Variants in KRTCAP3 observed in about 807,000 individuals in gnomAD.
KRTCAP3 encodes keratinocyte associated protein 3.
KRTCAP3 carries 18 observed loss-of-function variants against 20.5 expected under a neutral mutation model. That is an observed-to-expected ratio of 0.88 (90% CI 0.61 to 1.31). KRTCAP3 has a LOEUF of 1.31. Among genes scored for constraint, KRTCAP3 ranks in the 50% most tolerant of loss-of-function variants. The pLI is 0.00. For synonymous variants in KRTCAP3, 167 were observed against 133.7 expected, an observed-to-expected ratio of 1.25 and a Z score of -1.72; for missense variants, 347 against 310.4, an observed-to-expected ratio of 1.12 and a Z score of -0.89.
At position 27,443,393 on chromosome 2, in the gene KRTCAP3, T is replaced by C; in HGVS notation, c.481-5T>C. 1.2e-6 allele frequency: 2 copies of C among 1,614,202 alleles called. No individual in the cohort carries two copies. Among genetic ancestry groups the C allele is most frequent in the Non-Finnish European group, 1.7e-6 (2 of 1,180,026 alleles). ...CTCCTACTCCCCATCCTTCTTGCTT[T>C]TCAGGATACAGCCTTGGCTCTCTGG... is the stretch of plus-strand genomic sequence containing the variant. On this transcript the variant is annotated splice_region_variant and splice_polypyrimidine_tract_variant and intron_variant, in intron 4 of 6. Transcript: ENST00000288873.
chr2:27,444,066 T>G lies in KRTCAP3; in HGVS notation c.*5+5T>G. 1.3e-6 allele frequency: 2 copies of G among 1,557,514 alleles called. No individual in the cohort carries two copies. The highest frequency in any genetic ancestry group is 8.9e-7 in the Non-Finnish European group (1 of 1,128,698). On this transcript the variant is annotated splice_donor_5th_base_variant and intron_variant, in intron 6 of 6. Transcript: ENST00000288873. ...GAGAAGTTGGGTTTAGGACAGGTAA[T>G]GGGCCTTGAAGGTGGTGGCCCGGGT...
At chr2:27,446,166 C>T (rs1665075981), downstream of KRTCAP3, 1 of 1,374,700 alleles carries the variant, frequency 7.3e-7, no homozygotes, top group Non-Finnish European at 1.0e-6. Flanking sequence ...ATCAGCCCTA[C>T]ACTCAGCTTT....
rs771295927 is a variant in KRTCAP3 at position 27,443,139 on chromosome 2, CCTT to C, written c.343_345del (p.Leu115del). On this transcript the variant is annotated inframe_deletion, in exon 4 of 7. Coordinates refer to ENST00000288873, the MANE Select transcript of KRTCAP3 (RefSeq NM_173853.4). ...TGTCCGTTGCCTGCTCCCTGGGCCT[CCTT>C]CTTGCTGTGTCACTCACTGTGGCCA... The C allele has an allele frequency of 1.4e-4, 229 of 1,613,994 alleles. No individual in the cohort carries two copies. Among genetic ancestry groups the C allele is most frequent in the Middle Eastern group, 8.2e-4 (5 of 6,084 alleles).
At chr2:27,445,720 CG>C (rs750660947), downstream of KRTCAP3, 8 of 1,613,376 alleles carry the variant, frequency 5.0e-6, no homozygotes, top group South Asian at 8.8e-5. This position sits in a 1 kb window ranked among gnomAD's most constrained non-coding sequence, Gnocchi z 4.4. Context: ...TGAGGCCTTC[CG>C]GTTTTCCAAC....
rs562761804 is a variant in KRTCAP3 at position 27,442,710 on chromosome 2, G to A, written c.160G>A (p.Val54Ile). The change falls in exon 2 of 7, where the codon GTC becomes ATC. Residue 54 changes from valine to isoleucine, a missense_variant. By Grantham distance (29) the Val-to-Ile change is conservative. Coordinates refer to ENST00000288873, the MANE Select transcript of KRTCAP3 (RefSeq NM_173853.4). ...LRHVANPRGA[V>I]TPEYTVANVI... ...GCACGTGGCCAATCCCCGCGGCGCT[G>A]TCACGCCGGAGTACACCGTAGCCAA... The A allele has an allele frequency of 3.1e-6, 5 of 1,595,722 alleles. No homozygotes were observed. The highest frequency in any genetic ancestry group is 1.1e-5 in the South Asian group (1 of 89,484).
At chr2:27,445,439 C>G, downstream of KRTCAP3, 1 of 1,610,582 alleles carries the variant, frequency 6.2e-7, no homozygotes. The surrounding 1 kb of genome is among the most constrained non-coding windows in gnomAD (Gnocchi z 4.4). Context: ...AACCTCTTCT[C>G]TCTCAGCCTC....
chr2:27,442,557 T>G (rs1156531178), intron 1 of KRTCAP3, 22 bp from the exon 2 acceptor site: 1 of 1,527,908 alleles, frequency 6.5e-7, no homozygotes, highest in Non-Finnish European at 8.8e-7. Context: ...GACTCAACCC[T>G]GCCCTCCCCC....
chr2:27,445,881 C>G, downstream of KRTCAP3: 1 of 1,614,156 alleles, frequency 6.2e-7, no homozygotes, highest in Non-Finnish European at 8.5e-7. This position sits in a 1 kb window ranked among gnomAD's most constrained non-coding sequence, Gnocchi z 4.4. Context: ...AGGCACAGCT[C>G]GCGACTGGCA....
downstream of KRTCAP3, among the ~76,000 whole-genome samples, chr2:27,444,730 C>T (rs1664880372): frequency 6.6e-6 from 1 of 152,202 alleles, no homozygotes; most frequent in African/African-American, 2.4e-5. Context: ...TCACTGCAAC[C>T]TCTGCCTCTC....
At chr2:27,443,918 C>T (rs368006774) in intron 5 of KRTCAP3, 31 bp from the exon 6 acceptor site, 76 of 1,187,288 alleles carry the variant, frequency 6.4e-5, no homozygotes, top group African/African-American at 4.2e-4. Flanking sequence ...TCATTCAGGG[C>T]GAGGGTGTCT....
Position 27,444,048 on chromosome 2 carries a change from T to G in KRTCAP3, c.715T>G (p.Trp239Gly). ...AGAAATCCGGGCATCACAGAGAAGT[T>G]GGGTTTAGGACAGGTAATGGGCCTT... is the stretch of plus-strand genomic sequence containing the variant. ...NQEIRASQRS[W>G]V Residue 239 changes from tryptophan to glycine, a missense_variant, in exon 6 of 7, where the codon TGG becomes GGG. By Grantham distance (184) the Trp-to-Gly change is radical. Coordinates refer to ENST00000288873, the MANE Select transcript of KRTCAP3 (RefSeq NM_173853.4). 1 of 1,609,194 alleles carries G rather than the reference T, an allele frequency of 6.2e-7. No individual in the cohort carries two copies. Among genetic ancestry groups the G allele is most frequent in the Non-Finnish European group, 8.5e-7 (1 of 1,175,686 alleles).
At chr2:27,445,685 T>A, downstream of KRTCAP3, 1 of 1,578,358 alleles carries the variant, frequency 6.3e-7, no homozygotes. The surrounding 1 kb of genome is among the most constrained non-coding windows in gnomAD (Gnocchi z 4.4). Flanking sequence ...AAAGATATTC[T>A]CCCTCCTCAA....
chr2:27,444,688 C>T (rs1372271100), downstream of KRTCAP3, among the ~76,000 whole-genome samples: 4 of 152,134 alleles, frequency 2.6e-5, no homozygotes, highest in African/African-American at 9.7e-5. Flanking sequence ...TGCTTTGTCG[C>T]CCAGGCTGGA....
At chr2:27,446,388 C>T (rs1283764121), downstream of KRTCAP3, 1 of 1,590,504 alleles carries the variant, frequency 6.3e-7, no homozygotes, top group South Asian at 1.1e-5. Context: ...ATGAATATGG[C>T]ACTAAAGTGA....
downstream of KRTCAP3, chr2:27,444,638 G>A: frequency 1.3e-6 from 1 of 746,190 alleles, no homozygotes; most frequent in Non-Finnish European, 2.2e-6. Flanking sequence ...CATCTTTCTA[G>A]TGTGTATGTG....
Position 27,444,015 on chromosome 2 carries a change from C to G in KRTCAP3, c.682C>G (p.Gln228Glu), listed in dbSNP as rs200649406. The change falls in exon 6 of 7, where the codon CAA becomes GAA. Residue 228 changes from glutamine to glutamate, a missense_variant. Gln to Glu is a conservative substitution (Grantham distance 29). Transcript: ENST00000288873. Reference protein sequence around the residue: ...KRQENEQLLDQNQEIRASQRS... With the variant: ...KRQENEQLLDENQEIRASQRS... ...GCAGGAAAATGAGCAGCTACTGGAT[C>G]AAAATCAAGAAATCCGGGCATCACA... 2.5e-6 allele frequency: 4 copies of G among 1,613,882 alleles called. No homozygotes were observed. Among genetic ancestry groups the G allele is most frequent in the East Asian group, 4.5e-5 (2 of 44,868 alleles).
downstream of KRTCAP3, chr2:27,445,044 G>A (rs1210469184): frequency 6.2e-7 from 1 of 1,613,620 alleles, no homozygotes; most frequent in Non-Finnish European, 8.5e-7. The surrounding 1 kb of genome is among the most constrained non-coding windows in gnomAD (Gnocchi z 4.4). Flanking sequence ...TATTCCAGTT[G>A]TCCTTGTTAG....
At position 27,444,066 on chromosome 2, in the gene KRTCAP3, T is replaced by C. The variant is rs1664799498; in HGVS notation, c.*5+5T>C. On this transcript the variant is annotated splice_donor_5th_base_variant and intron_variant, in intron 6 of 6. Coordinates refer to ENST00000288873, the MANE Select transcript of KRTCAP3 (RefSeq NM_173853.4). ...GAGAAGTTGGGTTTAGGACAGGTAA[T>C]GGGCCTTGAAGGTGGTGGCCCGGGT... The C allele has an allele frequency of 5.1e-6, 8 of 1,557,514 alleles. No homozygotes were observed. Among genetic ancestry groups the C allele is most frequent in the Non-Finnish European group, 7.1e-6 (8 of 1,128,698 alleles).
intron 5 of KRTCAP3, 111 bp downstream of exon 5, chr2:27,443,643 C>G: frequency 8.5e-7 from 1 of 1,175,274 alleles, no homozygotes; most frequent in Non-Finnish European, 1.2e-6. Flanking sequence ...CTTTGGGAGG[C>G]TGAGGCAGGC....
Sources: gnomAD v4.1 joint callset for allele counts (sites outside exome capture counted in the v4.1 genomes callset) on GRCh38, gnomAD v4.1.1 for gene constraint, Gnocchi (gnomAD v3.1) non-coding constraint, MANE v1.5 for transcripts, NCBI Gene and HGNC (gene_info 2026-07-23, HGNC 2026-07-21) for gene names.